The following AGAP1 variants were observed in gnomAD, a reference collection of about 807,000 sequenced individuals.
AGAP1 encodes ArfGAP with GTPase domain, ankyrin repeat and PH domain 1.
In AGAP1, 29 loss-of-function variants were observed where a neutral mutation model predicts 105.3. The observed-to-expected ratio is 0.28, with a 90% confidence interval of 0.21 to 0.38. The LOEUF (loss-of-function observed/expected upper bound fraction) is 0.38. Ranked by LOEUF, AGAP1 falls within the 10% of genes least tolerant of loss-of-function variation. AGAP1 has a pLI of 1.00. For synonymous variants in AGAP1, 509 were observed against 485.9 expected, an observed-to-expected ratio of 1.05 and a Z score of -0.63; for missense variants, 998 against 1,165.1, an observed-to-expected ratio of 0.86 and a Z score of 2.09.
intron 1 of AGAP1, among the ~76,000 whole-genome samples, chr2:235,628,788 C>G (rs1323160265): frequency 6.6e-6 from 1 of 152,044 alleles, no homozygotes; most frequent in African/African-American, 2.4e-5. Flanking sequence ...ATCCTTCCCC[C>G]CAAGTCCCCG....
At position 235,960,572 on chromosome 2, in the gene AGAP1, A is replaced by G. The variant is rs1477777062; in HGVS notation, c.1484-7890A>G. Among the ~76,000 whole-genome samples the G allele has an allele frequency of 6.6e-6, 1 of 152,126 alleles. No homozygotes were observed. The highest frequency in any genetic ancestry group is 2.4e-5 in the African/African-American group (1 of 41,442). ...TCTCCCTGCACCTGTGGCCCCTGCT[A>G]TCGGCGTGCTTACTGGAGATGCGAT... On this transcript the variant is annotated intron_variant, in intron 12 of 17. Coordinates refer to ENST00000304032, the MANE Select transcript of AGAP1 (RefSeq NM_001037131.3). This position sits in a 1 kb window ranked among gnomAD's most constrained non-coding sequence, Gnocchi z 4.9.
In AGAP1 at chr2:235,754,833, C is replaced by T. The variant is rs1044598336; in HGVS notation, c.673+4345C>T. On this transcript the variant is annotated intron_variant, in intron 6 of 17. Transcript: ENST00000304032. The surrounding 1 kb of genome is among the most constrained non-coding windows in gnomAD (Gnocchi z 4.6). Reference sequence around the variant, plus strand: ...CCTTCCTCCGTGAAGTTAAGGTCCACTAGGGAGGGTAAACATCAAACGGTC... The same window carrying T: ...CCTTCCTCCGTGAAGTTAAGGTCCATTAGGGAGGGTAAACATCAAACGGTC... Among the ~76,000 whole-genome samples, 10 of 152,216 alleles carry T rather than the reference C, an allele frequency of 6.6e-5. No homozygotes were observed. The highest frequency in any genetic ancestry group is 2.4e-4 in the African/African-American group (10 of 41,444).
At chr2:235,575,665 T>C (rs1450171345) in intron 1 of AGAP1, among the ~76,000 whole-genome samples, 1 of 152,248 alleles carries the variant, frequency 6.6e-6, no homozygotes, top group Non-Finnish European at 1.5e-5. Flanking sequence ...TCCTGGAACC[T>C]GGGAGAAAGG....
At chr2:235,670,441 C>T (rs1456408812) in intron 1 of AGAP1, 5 of 551,946 alleles carry the variant, frequency 9.1e-6, no homozygotes, top group Non-Finnish European at 1.3e-5. Flanking sequence ...GCGCACGCGG[C>T]CTGGAACCCG....
At chr2:235,548,929 G>A (rs961405898) in intron 1 of AGAP1, among the ~76,000 whole-genome samples, 2 of 152,124 alleles carry the variant, frequency 1.3e-5, no homozygotes, top group African/African-American at 4.8e-5. Flanking sequence ...ATTGCCTTTG[G>A]CTGTGTTTGT....
rs2055143323 is a variant in AGAP1 at position 235,982,563 on chromosome 2, T to G, written c.1645+13940T>G. Among the ~76,000 whole-genome samples the G allele has an allele frequency of 6.6e-6, 1 of 152,176 alleles. No homozygotes were observed. Among genetic ancestry groups the G allele is most frequent in the Non-Finnish European group, 1.5e-5 (1 of 68,032 alleles). ...CTAGGGGACTACTGAAGATAAGAAT[T>G]TTCAACCTTCCTCTTCGTTGTCTGC... On this transcript the variant is annotated intron_variant, in intron 13 of 17. Transcript: ENST00000304032. The surrounding 1 kb of genome is among the most constrained non-coding windows in gnomAD (Gnocchi z 4.9).
rs574467677 is a variant in AGAP1, at chr2:235,959,910, C to T, written c.1484-8552C>T. Reference sequence around the variant, plus strand: ...CTTGAGTGCCTCCCTTTTGGGCCACCGTAGACACCCCACCTCTGAGTGGTC... The same window carrying T: ...CTTGAGTGCCTCCCTTTTGGGCCACTGTAGACACCCCACCTCTGAGTGGTC... On this transcript the variant is annotated intron_variant, in intron 12 of 17. Coordinates refer to ENST00000304032, the MANE Select transcript of AGAP1 (RefSeq NM_001037131.3). This position sits in a 1 kb window ranked among gnomAD's most constrained non-coding sequence, Gnocchi z 7.3. Among the ~76,000 whole-genome samples, 4 of 152,188 alleles carry T rather than the reference C, an allele frequency of 2.6e-5. No individual in the cohort carries two copies. The highest frequency in any genetic ancestry group is 6.5e-5 in the Admixed American group (1 of 15,280).
Position 235,910,971 on chromosome 2 carries a change from G to C in AGAP1, c.1324+2065G>C, listed in dbSNP as rs1421269177. ...TGTGCCAGAAGTTGTGCGCACTGCA[G>C]ATACGGAGTCCCTAACCTCTAGAAT... On this transcript the variant is annotated intron_variant, in intron 11 of 17. Coordinates refer to ENST00000304032, the MANE Select transcript of AGAP1 (RefSeq NM_001037131.3). 3.3e-5 allele frequency among the ~76,000 whole-genome samples: 5 copies of C among 151,958 alleles called. No homozygotes were observed. The East Asian group carries it at 9.7e-4, about 29-fold the overall frequency.
At chr2:235,778,483 C>T (rs180975299) in intron 6 of AGAP1, among the ~76,000 whole-genome samples, 55 of 152,298 alleles carry the variant, frequency 3.6e-4, no homozygotes, top group African/African-American at 1.0e-3. Flanking sequence ...CTTCCTGCTC[C>T]GTGCTCTTCC....
rs2055462826 is a variant in AGAP1 at position 235,989,437 on chromosome 2, G to T, written c.1645+20814G>T. The stretch of plus-strand genomic sequence containing the variant: ...CAGGAGGAGGGTCCGCAGCTCGATG[G>T]TGATGAGTGTAGGGGAGAGGTGGGT... On this transcript the variant is annotated intron_variant, in intron 13 of 17. Coordinates refer to ENST00000304032, the MANE Select transcript of AGAP1 (RefSeq NM_001037131.3). The surrounding 1 kb of genome is among the most constrained non-coding windows in gnomAD (Gnocchi z 4.4). 6.6e-6 allele frequency among the ~76,000 whole-genome samples: 1 copy of T among 152,172 alleles called. No individual in the cohort carries two copies. Among genetic ancestry groups the T allele is most frequent in the South Asian group, 2.1e-4 (1 of 4,828 alleles).
At position 235,865,241 on chromosome 2, in the gene AGAP1, G is replaced by A. The variant is rs544179781; in HGVS notation, c.1051-18104G>A. On this transcript the variant is annotated intron_variant, in intron 9 of 17. Transcript: ENST00000304032. The surrounding 1 kb of genome is among the most constrained non-coding windows in gnomAD (Gnocchi z 6.2). ...ATTTGTGGGTGATTAGCTCCTGGCC[G>A]AATCCAGTCCCGGCCGGCGCTTTGA... Among the ~76,000 whole-genome samples the A allele has an allele frequency of 1.2e-4, 19 of 152,256 alleles. No individual in the cohort carries two copies. Among genetic ancestry groups the A allele is most frequent in the East Asian group, 3.9e-4 (2 of 5,180 alleles).
rs150043270 is a variant in AGAP1, at chr2:236,060,839, A to T, written c.2114+11558A>T. ...CATGTGGGGAGGCTGAGGCAGGAGG[A>T]TCACTTGAGGCCAGCATCTCAAGAC... On this transcript the variant is annotated intron_variant, in intron 16 of 17. Transcript: ENST00000304032. Among the ~76,000 whole-genome samples the T allele has an allele frequency of 5.2e-3, 795 of 152,338 alleles. 9 individuals are homozygous for T. The highest frequency in any genetic ancestry group is 0.018 in the African/African-American group (748 of 41,588).
At chr2:235,975,610 A>G (rs1459870300) in intron 13 of AGAP1, among the ~76,000 whole-genome samples, 4 of 152,186 alleles carry the variant, frequency 2.6e-5, no homozygotes, top group African/African-American at 4.8e-5. Flanking sequence ...CATGACTGGC[A>G]AGGAGTCAGG....
Position 235,692,985 on chromosome 2 carries a change from A to AG in AGAP1, c.164-16192dup, listed in dbSNP as rs1235346955. 6.6e-6 allele frequency among the ~76,000 whole-genome samples: 1 copy of AG among 152,026 alleles called. No homozygotes were observed. The highest frequency in any genetic ancestry group is 2.4e-5 in the African/African-American group (1 of 41,414). On this transcript the variant is annotated intron_variant, in intron 1 of 17. Coordinates refer to ENST00000304032, the MANE Select transcript of AGAP1 (RefSeq NM_001037131.3). This position sits in a 1 kb window ranked among gnomAD's most constrained non-coding sequence, Gnocchi z 5.8. ...GCATGGGAGAGGGAGTGTGGCCTGC[A>AG]GGCCAGTGGCTGAGGCCCAGTGTGG...
At chr2:236,107,149 C>T (rs770032478) in intron 16 of AGAP1, among the ~76,000 whole-genome samples, 1 of 150,390 alleles carries the variant, frequency 6.6e-6, no homozygotes, top group Non-Finnish European at 1.5e-5. Flanking sequence ...TGCGGAACCT[C>T]AAACTTCAGA....
At chr2:235,511,089 G>T (rs947050804) in intron 1 of AGAP1, among the ~76,000 whole-genome samples, 1 of 152,140 alleles carries the variant, frequency 6.6e-6, no homozygotes, top group East Asian at 1.9e-4. Context: ...TACAACTTTG[G>T]GGTGTCATGG....
rs999446785 is a variant in AGAP1, at chr2:235,693,319, C to T, written c.164-15860C>T. Among the ~76,000 whole-genome samples the T allele has an allele frequency of 3.9e-5, 6 of 152,190 alleles. No individual in the cohort carries two copies. In the South Asian group the frequency reaches 6.2e-4, roughly 16 times the overall value. On this transcript the variant is annotated intron_variant, in intron 1 of 17. Transcript: ENST00000304032. The stretch of plus-strand genomic sequence containing the variant: ...ACTCAAAGCTATCCCCAAGTAGGCA[C>T]GGGGGCTGGGCCTTTATGCCTGTCA...
At position 235,642,256 on chromosome 2, in the gene AGAP1, C is replaced by A. The variant is rs151065590; in HGVS notation, c.164-66923C>A. On this transcript the variant is annotated intron_variant, in intron 1 of 17. Coordinates refer to ENST00000304032, the MANE Select transcript of AGAP1 (RefSeq NM_001037131.3). This position sits in a 1 kb window ranked among gnomAD's most constrained non-coding sequence, Gnocchi z 4.1. ...CTCTTTCCTGAGTGCGCATTTCTTTCCTCACATTTGGGGGCATTCAGTGGG... is the reference window on the plus strand; with the variant it reads ...CTCTTTCCTGAGTGCGCATTTCTTTACTCACATTTGGGGGCATTCAGTGGG... 3.3e-3 allele frequency among the ~76,000 whole-genome samples: 501 copies of A among 152,272 alleles called. 1 individual carries two copies. The highest frequency in any genetic ancestry group is 5.9e-3 in the Non-Finnish European group (403 of 68,022).
chr2:236,093,599 A>G (rs977513929), intron 16 of AGAP1, among the ~76,000 whole-genome samples: 1 of 152,198 alleles, frequency 6.6e-6, no homozygotes, highest in African/African-American at 2.4e-5. Context: ...ACATGGGAGG[A>G]GGTATAAGAG....
Sources: gnomAD v4.1 joint callset for allele counts (sites outside exome capture counted in the v4.1 genomes callset) on GRCh38, gnomAD v4.1.1 for gene constraint, Gnocchi (gnomAD v3.1) non-coding constraint, MANE v1.5 for transcripts, NCBI Gene and HGNC (gene_info 2026-07-23, HGNC 2026-07-21) for gene names.